NR4A2: variants seen among roughly 807,000 people sequenced by gnomAD.
The protein encoded by NR4A2 is NGFI-B/nur77 beta-type transcription factor homolog.
Under a neutral mutation model 50.5 loss-of-function variants are expected in NR4A2, and 1 was observed. The ratio of observed to expected loss-of-function variants is 0.02; its 90% CI spans 0.01 to 0.09. NR4A2 has a LOEUF of 0.09. Ranked by LOEUF, NR4A2 falls within the 10% of genes least tolerant of loss-of-function variation. The pLI, the probability that NR4A2 is intolerant of heterozygous loss-of-function variation, is 1.00. For missense variants in NR4A2, 613 were observed against 777.3 expected, an observed-to-expected ratio of 0.79 and a Z score of 2.51; for synonymous variants, 328 against 309.4, an observed-to-expected ratio of 1.06 and a Z score of -0.63.
Position 156,328,554 on chromosome 2 carries a change from G to A in NR4A2, c.865-21C>T. ...GTGCGCTGCAAAAGGAGACAATATAGACCAACATTTTTTTTCTTCTTTTGA... is the reference window on the plus strand; with the variant it reads ...GTGCGCTGCAAAAGGAGACAATATAAACCAACATTTTTTTTCTTCTTTTGA... On this transcript the variant is annotated intron_variant, in intron 3 of 7. Coordinates refer to ENST00000339562, the MANE Select transcript of NR4A2 (RefSeq NM_006186.4). This position sits in a 1 kb window ranked among gnomAD's most constrained non-coding sequence, Gnocchi z 4.9. 4 of 1,614,090 alleles carry A rather than the reference G, an allele frequency of 2.5e-6. No homozygotes were observed. Among genetic ancestry groups the A allele is most frequent in the Non-Finnish European group, 3.4e-6 (4 of 1,180,008 alleles).
At chr2:156,332,142 C>G (rs1010505210) in intron 1 of NR4A2, among the ~76,000 whole-genome samples, 4 of 152,180 alleles carry the variant, frequency 2.6e-5, no homozygotes, top group Admixed American at 2.0e-4. Flanking sequence ...TCCGTGTTCA[C>G]AGGCCACAAT....
In NR4A2 at chr2:156,326,363, A is replaced by G. The variant is rs1449306979; in HGVS notation, c.1362-35T>C. ...ATACCAAAGAGAGAGAGGGGAGAAA[A>G]AGAGAGAGAGAAAAGCTAAACAACT... is the stretch of plus-strand genomic sequence containing the variant. On this transcript the variant is annotated intron_variant, in intron 6 of 7. Coordinates refer to ENST00000339562, the MANE Select transcript of NR4A2 (RefSeq NM_006186.4). This position sits in a 1 kb window ranked among gnomAD's most constrained non-coding sequence, Gnocchi z 4.2. 1.4e-5 allele frequency: 22 copies of G among 1,584,416 alleles called. No individual in the cohort carries two copies. Among genetic ancestry groups the G allele is most frequent in the Non-Finnish European group, 1.8e-5 (21 of 1,152,980 alleles).
chr2:156,332,039 G>A (rs1480823446), intron 1 of NR4A2: 2 of 162,412 alleles, frequency 1.2e-5, no homozygotes, highest in East Asian at 3.4e-4. Flanking sequence ...GCCAGCCGCG[G>A]AGACACAGTT....
At position 156,326,131 on chromosome 2, in the gene NR4A2, C is replaced by T; in HGVS notation, c.1540+19G>A. 1 of 1,614,138 alleles carries T rather than the reference C, an allele frequency of 6.2e-7. No homozygotes were observed. The highest frequency in any genetic ancestry group is 8.5e-7 in the Non-Finnish European group (1 of 1,179,990). ...TAGGCAGTTCTGGAGGGGAAGCGCC[C>T]TGCGCCTGCAGTACTGACCTGTGAC... On this transcript the variant is annotated intron_variant, in intron 7 of 7. Coordinates refer to ENST00000339562, the MANE Select transcript of NR4A2 (RefSeq NM_006186.4). This position sits in a 1 kb window ranked among gnomAD's most constrained non-coding sequence, Gnocchi z 4.2.
At position 156,326,677 on chromosome 2, in the gene NR4A2, C is replaced by G; in HGVS notation, c.1361+41G>C. The G allele has an allele frequency of 6.3e-7, 1 of 1,581,540 alleles. No individual in the cohort carries two copies. ...CCTTTCTTTTCCTTTCTTGATTTCT[C>G]TCACAGCCTCCCTGGATTGTCTCCC... On this transcript the variant is annotated intron_variant, in intron 6 of 7. Coordinates refer to ENST00000339562, the MANE Select transcript of NR4A2 (RefSeq NM_006186.4). This position sits in a 1 kb window ranked among gnomAD's most constrained non-coding sequence, Gnocchi z 4.2.
Position 156,326,572 on chromosome 2 carries a change from T to C in NR4A2, c.1361+146A>G. 9.3e-7 allele frequency: 1 copy of C among 1,072,122 alleles called. No homozygotes were observed. Among genetic ancestry groups the C allele is most frequent in the Non-Finnish European group, 1.4e-6 (1 of 724,150 alleles). The allele number at this position is 1,072,122 out of a possible 1,614,324, so 66.4% of individuals were successfully genotyped here. A position where few individuals can be genotyped will look rare whatever the true frequency, so the allele number is the denominator to read the frequency against. Reference sequence around the variant, plus strand: ...CGCTTCTTCTCGTCTTTTTTTGTTTTCTTTCTTTTTCTTCCTTTCTCCGAC... The same window carrying C: ...CGCTTCTTCTCGTCTTTTTTTGTTTCCTTTCTTTTTCTTCCTTTCTCCGAC... On this transcript the variant is annotated intron_variant, in intron 6 of 7. Transcript: ENST00000339562. The surrounding 1 kb of genome is among the most constrained non-coding windows in gnomAD (Gnocchi z 4.2).
Position 156,326,957 on chromosome 2 carries a change from T to C in NR4A2, c.1159-37A>G, listed in dbSNP as rs760987350. 1 of 1,598,544 alleles carries C rather than the reference T, an allele frequency of 6.3e-7. No homozygotes were observed. Among genetic ancestry groups the C allele is most frequent in the South Asian group, 1.1e-5 (1 of 90,622 alleles). On this transcript the variant is annotated intron_variant, in intron 5 of 7. Transcript: ENST00000339562. The surrounding 1 kb of genome is among the most constrained non-coding windows in gnomAD (Gnocchi z 4.2). ...TTTTAAAAAGCACTTAATGAGGTTC[T>C]CTAAAATATATAACCCGTGAAATTG... is the stretch of plus-strand genomic sequence containing the variant.
Position 156,329,224 on chromosome 2 carries a change from G to A in NR4A2, c.864+99C>T. 5 of 1,506,268 alleles carry A rather than the reference G, an allele frequency of 3.3e-6. No individual in the cohort carries two copies. Among genetic ancestry groups the A allele is most frequent in the Non-Finnish European group, 4.5e-6 (5 of 1,110,608 alleles). 93.3% of individuals were successfully genotyped at this position (1,506,268 alleles called of 1,614,324 possible). ...CGGAGAGCTGGGCAGTCCCGGGAGA[G>A]CTGGGGCTGGGCTACTGGCACCAAG... On this transcript the variant is annotated intron_variant, in intron 3 of 7. Transcript: ENST00000339562. This position sits in a 1 kb window ranked among gnomAD's most constrained non-coding sequence, Gnocchi z 7.5.
chr2:156,329,466 A>G lies in NR4A2; in HGVS notation c.721T>C (p.Ser241Pro), dbSNP rs138478538. ...GFPGLQIGHA[S>P]QLLDTQVPSP... ...GGCACCTGCGTGTCGAGCAGCTGAG[A>G]CGCGTGGCCGATCTGCAGGCCCGGG... The change falls in exon 3 of 8, where the codon TCT (serine) becomes CCT (proline). Residue 241 changes from serine (S) to proline (P), a missense_variant. This residue lies in a region of NR4A2 where 275 missense variants were observed against 248.9 expected (regional missense o/e 1.10). Transcript: ENST00000339562. The surrounding 1 kb of genome is among the most constrained non-coding windows in gnomAD (Gnocchi z 7.5). 6 of 1,607,214 alleles carry G rather than the reference A, an allele frequency of 3.7e-6. No individual in the cohort carries two copies. The highest frequency in any genetic ancestry group is 5.1e-6 in the Non-Finnish European group (6 of 1,178,372).
chr2:156,330,308 C>T (rs954915779), intron 2 of NR4A2, 120 bp from the exon 3 acceptor site: 62 of 1,182,164 alleles, frequency 5.2e-5, no homozygotes, highest in Non-Finnish European at 6.7e-5. Context: ...TGTAGGGGCG[C>T]GAGAGGAAAG....
In NR4A2 at chr2:156,325,067, T is replaced by A. The variant is rs1046294299; in HGVS notation, c.*677A>T. ...TTTCAACCTAGAATCAACATGCTTGTCCCTTTTTTATGTATTTATTTTCTT... is the reference window on the plus strand; with the variant it reads ...TTTCAACCTAGAATCAACATGCTTGACCCTTTTTTATGTATTTATTTTCTT... On this transcript the variant is annotated 3_prime_UTR_variant, in exon 8 of 8. Transcript: ENST00000339562. 1.3e-5 allele frequency: 2 copies of A among 153,016 alleles called. No individual in the cohort carries two copies. Among genetic ancestry groups the A allele is most frequent in the African/African-American group, 4.8e-5 (2 of 41,436 alleles). 9.5% of individuals were successfully genotyped at this position (153,016 alleles called of 1,614,324 possible). A position where few individuals can be genotyped will look rare whatever the true frequency, so the allele number is the denominator to read the frequency against.
Position 156,329,554 on chromosome 2 carries a change from G to C in NR4A2, c.633C>G (p.His211Gln). 2 of 1,603,490 alleles carry C rather than the reference G, an allele frequency of 1.2e-6. No individual in the cohort carries two copies. The highest frequency in any genetic ancestry group is 3.3e-5 in the Admixed American group (2 of 59,790). ...PMNPEPAGSH[H>Q]VVDGQTFAVP... ...CAGCGAAGGTCTGCCCGTCCACCACGTGGTGGCTGCCGGCGGGCTCCGGGT... is the reference window on the plus strand; with the variant it reads ...CAGCGAAGGTCTGCCCGTCCACCACCTGGTGGCTGCCGGCGGGCTCCGGGT... Residue 211 changes from histidine (H) to glutamine (Q), a missense_variant, in exon 3 of 8, where the codon CAC becomes CAG. Physicochemically the swap from His to Gln is conservative, Grantham distance 24. This residue lies in a region of NR4A2 where 275 missense variants were observed against 248.9 expected (regional missense o/e 1.10). Transcript: ENST00000339562. The surrounding 1 kb of genome is among the most constrained non-coding windows in gnomAD (Gnocchi z 7.5).
At position 156,326,568 on chromosome 2, in the gene NR4A2, G is replaced by T; in HGVS notation, c.1361+150C>A. The T allele has an allele frequency of 1.2e-5, 13 of 1,057,690 alleles. No individual in the cohort carries two copies. The Admixed American group carries it at 1.7e-4, about 14-fold the overall frequency. 65.5% of individuals were successfully genotyped at this position (1,057,690 alleles called of 1,614,324 possible). On this transcript the variant is annotated intron_variant, in intron 6 of 7. Transcript: ENST00000339562. The surrounding 1 kb of genome is among the most constrained non-coding windows in gnomAD (Gnocchi z 4.2). The stretch of plus-strand genomic sequence containing the variant: ...GGCTCGCTTCTTCTCGTCTTTTTTT[G>T]TTTTCTTTCTTTTTCTTCCTTTCTC...
chr2:156,328,265 G>A lies in NR4A2; in HGVS notation c.994+139C>T, dbSNP rs1468094964. On this transcript the variant is annotated intron_variant, in intron 4 of 7. Transcript: ENST00000339562. The surrounding 1 kb of genome is among the most constrained non-coding windows in gnomAD (Gnocchi z 4.9). ...TTCTCTAGGGAAGGCCGGGCAAGCAGGCAGCTGCAGGGTCCTGGAGGCCAT... is the reference window on the plus strand; with the variant it reads ...TTCTCTAGGGAAGGCCGGGCAAGCAAGCAGCTGCAGGGTCCTGGAGGCCAT... The A allele has an allele frequency of 3.3e-5, 46 of 1,413,014 alleles. No individual in the cohort carries two copies. Among genetic ancestry groups the A allele is most frequent in the Non-Finnish European group, 4.5e-5 (45 of 1,006,014 alleles). 87.5% of individuals were successfully genotyped at this position (1,413,014 alleles called of 1,614,324 possible).
intron 5 of NR4A2, among the ~76,000 whole-genome samples, chr2:156,327,175 T>A (rs965934419): frequency 2.0e-5 from 3 of 152,190 alleles, no homozygotes; most frequent in South Asian, 4.1e-4. Flanking sequence ...AAACGTTCAC[T>A]CTTATCTCCA....
Position 156,326,327 on chromosome 2 carries a change from A to G in NR4A2, c.1363T>C (p.Ser455Pro). 1.2e-6 allele frequency: 2 copies of G among 1,613,752 alleles called. No individual in the cohort carries two copies. The highest frequency in any genetic ancestry group is 1.7e-6 in the Non-Finnish European group (2 of 1,179,600). The part of the protein sequence containing the change: ...ELFVLRLAYR[S>P]NPVEGKLIFC... The stretch of plus-strand genomic sequence containing the variant: ...ATGAGTTTACCCTCCACTGGGTTGG[A>G]CCTGCAATTAATACCAAAGAGAGAG... Residue 455 changes from serine to proline, a missense_variant and splice_region_variant, in exon 7 of 8, where the codon TCC (serine) becomes CCC (proline). Coordinates refer to ENST00000339562, the MANE Select transcript of NR4A2 (RefSeq NM_006186.4). This position sits in a 1 kb window ranked among gnomAD's most constrained non-coding sequence, Gnocchi z 4.2.
In NR4A2 at chr2:156,328,123, T is replaced by C; in HGVS notation, c.995-109A>G. The C allele has an allele frequency of 2.1e-6, 3 of 1,432,562 alleles. No individual in the cohort carries two copies. The highest frequency in any genetic ancestry group is 2.9e-6 in the Non-Finnish European group (3 of 1,042,404). The allele number at this position is 1,432,562 out of a possible 1,614,324, so 88.7% of individuals were successfully genotyped here. A position where few individuals can be genotyped will look rare whatever the true frequency, so the allele number is the denominator to read the frequency against. ...GCCGCGGGGCACCAGGCTGAGCGGCTGAGGGCCCCAGTGCTTGTAAAGCCT... is the reference window on the plus strand; with the variant it reads ...GCCGCGGGGCACCAGGCTGAGCGGCCGAGGGCCCCAGTGCTTGTAAAGCCT... On this transcript the variant is annotated intron_variant, in intron 4 of 7. Coordinates refer to ENST00000339562, the MANE Select transcript of NR4A2 (RefSeq NM_006186.4). This position sits in a 1 kb window ranked among gnomAD's most constrained non-coding sequence, Gnocchi z 4.9.
chr2:156,332,606 G>A lies in NR4A2; in HGVS notation c.-253C>T, dbSNP rs1242736877. The A allele has an allele frequency of 1.4e-5, 11 of 760,924 alleles. No individual in the cohort carries two copies. The highest frequency in any genetic ancestry group is 8.7e-4 in the Middle Eastern group (2 of 2,294). 47.1% of individuals were successfully genotyped at this position (760,924 alleles called of 1,614,324 possible). A position where few individuals can be genotyped will look rare whatever the true frequency, so the allele number is the denominator to read the frequency against. On this transcript the variant is annotated 5_prime_UTR_variant, in exon 1 of 8. Coordinates refer to ENST00000339562, the MANE Select transcript of NR4A2 (RefSeq NM_006186.4). ...GCGAAGGGAACCCGGACACCTCACG[G>A]AGGGAGGGAGCAGGGACAGGCGGCC...
rs1459270557 is a variant in NR4A2 at position 156,324,821 on chromosome 2, AAC to A, written c.*921_*922del. ...TTTTATCAACATCAACGGTACATAC[AAC>A]ACTTACAAACAAGGAATGTTGGACG... On this transcript the variant is annotated 3_prime_UTR_variant, in exon 8 of 8. Coordinates refer to ENST00000339562, the MANE Select transcript of NR4A2 (RefSeq NM_006186.4). 4 of 152,664 alleles carry A rather than the reference AAC, an allele frequency of 2.6e-5. No homozygotes were observed. Among genetic ancestry groups the A allele is most frequent in the African/African-American group, 9.6e-5 (4 of 41,454 alleles). The allele number at this position is 152,664 out of a possible 1,614,324, so 9.5% of individuals were successfully genotyped here.
Sources: allele counts gnomAD v4.1 joint callset (sites outside exome capture counted in the v4.1 genomes callset), GRCh38; gene constraint gnomAD v4.1.1; regional missense constraint gnomAD v4.1.1; non-coding constraint Gnocchi (gnomAD v3.1); transcripts MANE v1.5; gene names NCBI Gene and HGNC (gene_info 2026-07-23, HGNC 2026-07-21).